PLEKHM3: variants seen among roughly 807,000 people sequenced by gnomAD.
PLEKHM3 encodes pleckstrin homology domain containing M3, also known as pleckstrin homology domain-containing family M member 3.
A neutral mutation model predicts 81.8 loss-of-function variants in PLEKHM3; 45 were observed. The ratio of observed to expected loss-of-function variants is 0.55; its 90% CI spans 0.43 to 0.71. The LOEUF (loss-of-function observed/expected upper bound fraction) is 0.71. Ranked by LOEUF, PLEKHM3 falls within the 30% of genes least tolerant of loss-of-function variation. The pLI is 0.00. For missense variants in PLEKHM3, 788 were observed against 924.3 expected (o/e 0.85, Z 1.91); for synonymous variants, 352 against 356.4 (o/e 0.99, Z 0.14).
At chr2:207,861,563 CAGTT>C (rs1359272686) in intron 6 of PLEKHM3, among the ~76,000 whole-genome samples, 2 of 152,160 alleles carry the variant, frequency 1.3e-5, no homozygotes, top group Non-Finnish European at 2.9e-5. Flanking sequence ...ACCAACTTCA[CAGTT>C]AGGGTGTGGT....
At chr2:208,010,784 G>A (rs1490299043) in intron 1 of PLEKHM3, among the ~76,000 whole-genome samples, 2 of 152,176 alleles carry the variant, frequency 1.3e-5, no homozygotes, top group Admixed American at 6.5e-5. Flanking sequence ...TCTTCTACTT[G>A]AGCCTGAGTA....
chr2:207,946,456 C>G lies in PLEKHM3; in HGVS notation c.1603G>C (p.Gly535Arg). ...TGGCAGCTACTGCAGTAATACCACC[C>G]ACTGTAGTTGCACACCTTGGCTTTC... ...NGKAKVCNYS[G>R]WYYCSSCHVD... The change falls in exon 4 of 8, where the codon GGG (glycine) becomes CGG (arginine). Residue 535 changes from glycine (G) to arginine (R), a missense_variant. Transcript: ENST00000427836. The G allele has an allele frequency of 5.6e-6, 9 of 1,614,148 alleles. No individual in the cohort carries two copies. The highest frequency in any genetic ancestry group is 7.6e-6 in the Non-Finnish European group (9 of 1,179,982).
rs751483656 is a variant in PLEKHM3 at position 207,977,413 on chromosome 2, A to G, written c.784T>C (p.Phe262Leu). The change falls in exon 3 of 8, where the codon TTC becomes CTC. Residue 262 changes from phenylalanine (F) to leucine (L), a missense_variant. Physicochemically the swap from Phe to Leu is conservative, Grantham distance 22 (BLOSUM62 0). Coordinates refer to ENST00000427836, the MANE Select transcript of PLEKHM3 (RefSeq NM_001080475.3). ...TTGCCTAAAACAGATATGCTCTGGAAGTGTGAAAGCTGGTACGTGGCATAA... is the reference window on the plus strand; with the variant it reads ...TTGCCTAAAACAGATATGCTCTGGAGGTGTGAAAGCTGGTACGTGGCATAA... ...NLYATYQLSH[F>L]QSISVLGNLE... The G allele has an allele frequency of 1.1e-4, 172 of 1,614,114 alleles. 1 individual carries two copies. Among genetic ancestry groups the G allele is most frequent in the Non-Finnish European group, 1.4e-4 (169 of 1,180,044 alleles).
chr2:207,921,039 CTCCTTCCCTCCCT>C (rs1351123040), intron 5 of PLEKHM3, among the ~76,000 whole-genome samples: 2 of 151,870 alleles, frequency 1.3e-5, no homozygotes, highest in Admixed American at 6.6e-5. Context: ...CCCTCCCTCC[CTCCTTCCCTCCCT>C]TCCTTCCTAC....
intron 5 of PLEKHM3, among the ~76,000 whole-genome samples, chr2:207,921,693 T>C (rs1017431350): frequency 1.3e-5 from 2 of 152,228 alleles, no homozygotes; most frequent in African/African-American, 2.4e-5. Flanking sequence ...CTAGTGACCA[T>C]TGTTCTACTC....
chr2:208,024,180 A>AATAAAATAAAATAAC (rs1574501404), intron 1 of PLEKHM3, among the ~76,000 whole-genome samples: 1 of 151,888 alleles, frequency 6.6e-6, no homozygotes, highest in African/African-American at 2.4e-5. Flanking sequence ...AATAAAATAA[A>AATAAAATAAAATAAC]ATAACAATAA....
chr2:207,839,869 G>A (rs367573582), intron 7 of PLEKHM3, among the ~76,000 whole-genome samples: 7 of 152,172 alleles, frequency 4.6e-5, no homozygotes, highest in African/African-American at 1.7e-4. Context: ...CAAGGCTGCC[G>A]TGAGCCGTGA....
chr2:207,931,202 A>G, intron 4 of PLEKHM3, 83 bp from the exon 5 acceptor site: 3 of 1,279,678 alleles, frequency 2.3e-6, no homozygotes, highest in Non-Finnish European at 3.2e-6. Context: ...TAGCTGAAAT[A>G]TCAAAGGAAC....
intron 1 of PLEKHM3, among the ~76,000 whole-genome samples, chr2:208,006,382 G>A (rs2106103024): frequency 6.6e-6 from 1 of 152,310 alleles, no homozygotes. Flanking sequence ...CAGCATGTGG[G>A]TGCAGTGTGG....
At chr2:207,920,987 ACT>A (rs1462890029) in intron 5 of PLEKHM3, among the ~76,000 whole-genome samples, 1 of 151,226 alleles carries the variant, frequency 6.6e-6, no homozygotes, top group Admixed American at 6.6e-5. Flanking sequence ...CTTCCTTTAC[ACT>A]CTCAGAGTGT....
At chr2:207,886,069 A>T (rs1471459454) in intron 6 of PLEKHM3, among the ~76,000 whole-genome samples, 1 of 152,208 alleles carries the variant, frequency 6.6e-6, no homozygotes, top group Non-Finnish European at 1.5e-5. Flanking sequence ...CCAAGTAAAG[A>T]TGCTAAAAAC....
intron 3 of PLEKHM3, among the ~76,000 whole-genome samples, chr2:207,960,425 G>A (rs1690689177): frequency 1.3e-5 from 2 of 152,170 alleles, no homozygotes; most frequent in Non-Finnish European, 2.9e-5. Context: ...TGTGGTAAGA[G>A]GACATCATGC....
intron 6 of PLEKHM3, 23 bp from the exon 7 acceptor site, chr2:207,861,285 G>T (rs1177482261): frequency 1.1e-5 from 17 of 1,611,436 alleles, no homozygotes; most frequent in Non-Finnish European, 1.4e-5. Flanking sequence ...AAATGGGACA[G>T]GGAAGCACAT....
At chr2:207,924,133 G>A (rs1001643466) in intron 5 of PLEKHM3, among the ~76,000 whole-genome samples, 3 of 150,972 alleles carry the variant, frequency 2.0e-5, no homozygotes, top group Non-Finnish European at 4.4e-5. Flanking sequence ...TTGAACTCCT[G>A]GCCTCAGGTG....
At chr2:208,024,008 TG>T (rs1302991008) in intron 1 of PLEKHM3, among the ~76,000 whole-genome samples, 1 of 151,948 alleles carries the variant, frequency 6.6e-6, no homozygotes, top group Non-Finnish European at 1.5e-5. Context: ...CCAGGCGTGG[TG>T]GCTTGTGCCT....
chr2:207,919,838 AG>A lies in PLEKHM3; in HGVS notation c.1886+11087del, dbSNP rs1689122146. Among the ~76,000 whole-genome samples the A allele has an allele frequency of 2.6e-5, 4 of 152,270 alleles. No individual in the cohort carries two copies. The South Asian group carries it at 8.3e-4, about 32-fold the overall frequency. ...TATTTTCTGGCATAACAAGGGAAGGAGGGGGAAGGCAGTCTTGTTAAATCAA... is the reference window on the plus strand; with the variant it reads ...TATTTTCTGGCATAACAAGGGAAGGAGGGGAAGGCAGTCTTGTTAAATCAA... On this transcript the variant is annotated intron_variant, in intron 5 of 7. Transcript: ENST00000427836.
intron 6 of PLEKHM3, among the ~76,000 whole-genome samples, chr2:207,886,928 C>T (rs887882963): frequency 2.6e-5 from 4 of 152,136 alleles, no homozygotes; most frequent in Non-Finnish European, 5.9e-5. Context: ...CAGCTCATGA[C>T]CCTGAGTAAT....
chr2:207,987,889 T>G (rs1395813149), intron 2 of PLEKHM3, among the ~76,000 whole-genome samples: 1 of 152,204 alleles, frequency 6.6e-6, no homozygotes, highest in African/African-American at 2.4e-5. Flanking sequence ...CAAGATCCTG[T>G]GGTCAGTAGC....
At chr2:207,864,828 G>A (rs2092487005) in intron 6 of PLEKHM3, among the ~76,000 whole-genome samples, 1 of 152,152 alleles carries the variant, frequency 6.6e-6, no homozygotes, top group African/African-American at 2.4e-5. Flanking sequence ...TTAAAACAAT[G>A]TGATACATAT....
Sources: allele counts gnomAD v4.1 joint callset (sites outside exome capture counted in the v4.1 genomes callset), GRCh38; gene constraint gnomAD v4.1.1; transcripts MANE v1.5; gene names NCBI Gene and HGNC (gene_info 2026-07-23, HGNC 2026-07-21).